Variants in FCN2 observed in about 807,000 individuals in gnomAD.
The protein encoded by FCN2 is ficolin 2.
A neutral mutation model predicts 32.5 loss-of-function variants in FCN2; 31 were observed. That is an observed-to-expected ratio of 0.96 (90% CI 0.72 to 1.29). FCN2 has a LOEUF of 1.29. Ranked by LOEUF, FCN2 falls within the 50% of genes most tolerant of loss-of-function variation. The probability of loss-of-function intolerance (pLI) is 0.00; values close to 1 mark genes in which losing one functional copy is unlikely to be tolerated. For missense variants in FCN2, 412 were observed against 406.5 expected, an observed-to-expected ratio of 1.01 and a Z score of -0.12; for synonymous variants, 181 against 164.5, an observed-to-expected ratio of 1.10 and a Z score of -0.77.
At chr9:134,867,343 A>G in the FCN2 span, among the ~76,000 whole-genome samples, 8 of 151,998 alleles carry the variant, frequency 5.3e-5, no homozygotes, top group African/African-American at 9.7e-5. Context: ...CTTTGTAGGG[A>G]CATGGATGAA....
chr9:134,875,728 A>C, the FCN2 span, among the ~76,000 whole-genome samples: 7 of 152,212 alleles, frequency 4.6e-5, no homozygotes, highest in Non-Finnish European at 1.0e-4. Context: ...AAGGGTTTGC[A>C]GTCTGCCCCT....
chr9:134,875,019 G>A, the FCN2 span, among the ~76,000 whole-genome samples: 6 of 151,864 alleles, frequency 4.0e-5, no homozygotes, highest in African/African-American at 1.5e-4. Context: ...AAAAAACAAC[G>A]GATTTTATAT....
At chr9:134,880,744 G>C, upstream of FCN2, 1 of 1,152,332 alleles carries the variant, frequency 8.7e-7, no homozygotes, top group Non-Finnish European at 1.3e-6. Flanking sequence ...CGGAAGATGA[G>C]AAATTGGAGT....
rs1485735458 is a variant in FCN2, at chr9:134,882,563, C to T, written c.138C>T (p.Leu46=). The change falls in exon 2 of 8, where the codon CTC becomes CTT. Residue 46 remains leucine, a synonymous_variant. Coordinates refer to ENST00000291744, the MANE Select transcript of FCN2 (RefSeq NM_004108.3). ...KMVGLEGSDK[L]TILRGCPGLP... is the part of the protein sequence containing the mutation. ...TGGGCCTGGAGGGCTCTGACAAGCTCACCATTCTCCGAGGCTGTCCGGGGC... is the reference window on the plus strand; with the variant it reads ...TGGGCCTGGAGGGCTCTGACAAGCTTACCATTCTCCGAGGCTGTCCGGGGC... 4 of 1,614,056 alleles carry T rather than the reference C, an allele frequency of 2.5e-6. No individual in the cohort carries two copies. The highest frequency in any genetic ancestry group is 2.7e-5 in the African/African-American group (2 of 74,936).
chr9:134,882,471 C>T, intron 1 of FCN2, 55 bp from the exon 2 acceptor site: 1 of 1,388,876 alleles, frequency 7.2e-7, no homozygotes. Context: ...ATCTATGGCT[C>T]AGTGGAGTCT....
At chr9:134,881,362 G>A (rs904364947) in intron 1 of FCN2, among the ~76,000 whole-genome samples, 2 of 152,162 alleles carry the variant, frequency 1.3e-5, no homozygotes, top group Non-Finnish European at 2.9e-5. Flanking sequence ...GAGCACTGCA[G>A]GACCTTTCCA....
intron 6 of FCN2, 73 bp downstream of exon 6, chr9:134,885,970 C>A: frequency 1.4e-6 from 2 of 1,481,142 alleles, no homozygotes; most frequent in Non-Finnish European, 1.8e-6. Flanking sequence ...GCCTGGGCTG[C>A]CTGGAACACA....
chr9:134,887,091 G>A (rs1368422156), intron 7 of FCN2, 77 bp from the exon 8 acceptor site: 1 of 1,558,872 alleles, frequency 6.4e-7, no homozygotes, highest in South Asian at 1.1e-5. Flanking sequence ...CACCAGGCCA[G>A]GCCTCAGGTA....
Position 134,885,809 on chromosome 9 carries a change from G to T in FCN2, c.471G>T (p.Arg157=). 1.2e-6 allele frequency: 2 copies of T among 1,613,968 alleles called. No homozygotes were observed. The highest frequency in any genetic ancestry group is 2.7e-5 in the African/African-American group (2 of 75,018). The change falls in exon 6 of 8, where the codon CGG becomes CGT. Residue 157 remains arginine, a synonymous_variant. Coordinates refer to ENST00000291744, the MANE Select transcript of FCN2 (RefSeq NM_004108.3). ...RRVDGSVDFY[R]DWATYKQGFG... ...TGGATGGCTCTGTGGACTTCTACCGGGACTGGGCCACGTACAAGCAGGGCT... is the reference window on the plus strand; with the variant it reads ...TGGATGGCTCTGTGGACTTCTACCGTGACTGGGCCACGTACAAGCAGGGCT...
At chr9:134,866,595 C>T in the FCN2 span, among the ~76,000 whole-genome samples, 4 of 150,588 alleles carry the variant, frequency 2.7e-5, no homozygotes, top group Admixed American at 1.3e-4. Context: ...ACTTCATGTC[C>T]AAAACACCAA....
the FCN2 span, among the ~76,000 whole-genome samples, chr9:134,864,751 C>A: frequency 6.6e-6 from 1 of 152,210 alleles, no homozygotes; most frequent in Non-Finnish European, 1.5e-5. Flanking sequence ...TCACAGCACG[C>A]CAGGCCCGGT....
chr9:134,870,645 G>A, the FCN2 span, among the ~76,000 whole-genome samples: 3 of 152,124 alleles, frequency 2.0e-5, no homozygotes, highest in Non-Finnish European at 4.4e-5. The surrounding 1 kb of genome is among the most constrained non-coding windows in gnomAD (Gnocchi z 4.3). Context: ...CCTGCGGGGG[G>A]ACAGCCAGCC....
chr9:134,883,478 C>A (rs1830696639), intron 3 of FCN2, 123 bp downstream of exon 3: 1 of 882,946 alleles, frequency 1.1e-6, no homozygotes, highest in Non-Finnish European at 1.9e-6. Context: ...CCTGCCCAGG[C>A]AGGGCTCTTG....
chr9:134,887,127 T>A (rs1173075043), intron 7 of FCN2, 41 bp from the exon 8 acceptor site: 2 of 1,612,160 alleles, frequency 1.2e-6, no homozygotes, highest in Non-Finnish European at 1.7e-6. Context: ...TCTGTAATGA[T>A]GTTACTGCCT....
chr9:134,876,854 C>A (rs537415932), upstream of FCN2, among the ~76,000 whole-genome samples: 1 of 151,792 alleles, frequency 6.6e-6, no homozygotes, highest in South Asian at 2.1e-4. Context: ...GGATTACAGG[C>A]GTAAGCCACC....
chr9:134,865,633 G>A, the FCN2 span, among the ~76,000 whole-genome samples: 3 of 147,566 alleles, frequency 2.0e-5, no homozygotes, highest in Non-Finnish European at 1.5e-5. Flanking sequence ...CAGGGGTGAG[G>A]ACAGATAAAA....
Position 134,883,355 on chromosome 9 carries a change from G to A in FCN2, c.268G>A (p.Gly90Arg), listed in dbSNP as rs1157947141. The change falls in exon 3 of 8, where the codon GGA (glycine) becomes AGA (arginine). Residue 90 changes from glycine to arginine, a missense_variant and splice_region_variant. Physicochemically the swap from Gly to Arg is moderately radical, Grantham distance 125. Transcript: ENST00000291744. ...GAAGGCAGGACCACCTGGGCCCAAC[G>A]GTAAGGAGGGGACAAGAGTGAGAAG... ...PGKAGPPGPN[G>R]APGEPQPCLT... 7 of 1,613,266 alleles carry A rather than the reference G, an allele frequency of 4.3e-6. No homozygotes were observed. The highest frequency in any genetic ancestry group is 3.3e-5 in the South Asian group (3 of 91,060).
chr9:134,874,160 C>T, the FCN2 span, among the ~76,000 whole-genome samples: 2 of 152,104 alleles, frequency 1.3e-5, no homozygotes, highest in African/African-American at 4.8e-5. Flanking sequence ...AAGTGATTTG[C>T]CCAGCTTGGC....
chr9:134,883,430 C>A, intron 3 of FCN2, 75 bp downstream of exon 3: 1 of 1,334,634 alleles, frequency 7.5e-7, no homozygotes, highest in Non-Finnish European at 1.1e-6. Context: ...TGAGGCGGGT[C>A]TTCTGGGGCT....
Sources: gnomAD v4.1 joint callset for allele counts (sites outside exome capture counted in the v4.1 genomes callset) on GRCh38, gnomAD v4.1.1 for gene constraint, Gnocchi (gnomAD v3.1) non-coding constraint, MANE v1.5 for transcripts, NCBI Gene and HGNC (gene_info 2026-07-23, HGNC 2026-07-21) for gene names.